The following FLNC variants were observed in gnomAD, a reference collection of about 807,000 sequenced individuals.
The protein encoded by FLNC is filamin-C.
In FLNC, 91 loss-of-function variants were observed where a neutral mutation model predicts 254.3. That is an observed-to-expected ratio of 0.36 (90% CI 0.30 to 0.43). FLNC has a LOEUF of 0.43. Ranked by LOEUF, FLNC falls within the 20% of genes least tolerant of loss-of-function variation. The pLI is 1.00. For synonymous variants in FLNC, 1,430 were observed against 1,577.2 expected (o/e 0.91, Z 2.21); for missense variants, 2,853 against 3,802.6 (o/e 0.75, Z 6.57).
Position 128,840,037 on chromosome 7 carries a change from G to A in FLNC, c.1426G>A (p.Ala476Thr), listed in dbSNP as rs746359389. 6 of 1,613,690 alleles carry A rather than the reference G, an allele frequency of 3.7e-6. No homozygotes were observed. The highest frequency in any genetic ancestry group is 1.1e-5 in the South Asian group (1 of 91,082). Residue 476 changes from alanine to threonine, a missense_variant, in exon 9 of 48, where the codon GCC becomes ACC. Ala to Thr is a moderately conservative substitution (Grantham distance 58). This residue lies in a region of FLNC where 1,573 missense variants were observed against 1,883.5 expected (regional missense o/e 0.84). Transcript: ENST00000325888. The stretch of plus-strand genomic sequence containing the variant: ...TCCTCCCCTAGCCTGTAACCCCAAC[G>A]CCTGCCGCGCCTCTGGGCGAGGCCT... ...VHVSEACNPNACRASGRGLQP... is the reference protein window; with the variant it reads ...VHVSEACNPNTCRASGRGLQP...
chr7:128,853,162 C>T (rs970521136), intron 37 of FLNC, 131 bp downstream of exon 37: 4 of 992,270 alleles, frequency 4.0e-6, no homozygotes, highest in East Asian at 2.6e-5. Context: ...CGTCAGGATT[C>T]GCATTCTGGG....
chr7:128,837,279 G>A, intron 3 of FLNC, 22 bp downstream of exon 3: 1 of 1,565,120 alleles, frequency 6.4e-7, no homozygotes. Context: ...GATGGGGCAG[G>A]GGGGAAAGGG....
chr7:128,858,768 C>T lies in FLNC; in HGVS notation c.*245C>T, dbSNP rs1361667826. Reference sequence around the variant, plus strand: ...ATGTGACATGAGGGCCGACTGGGGCCAGGCTCAGGGGCAGAGGCTGGGACA... The same window carrying T: ...ATGTGACATGAGGGCCGACTGGGGCTAGGCTCAGGGGCAGAGGCTGGGACA... On this transcript the variant is annotated 3_prime_UTR_variant, in exon 48 of 48. Coordinates refer to ENST00000325888, the MANE Select transcript of FLNC (RefSeq NM_001458.5). This position sits in a 1 kb window ranked among gnomAD's most constrained non-coding sequence, Gnocchi z 6.7. 3 of 561,464 alleles carry T rather than the reference C, an allele frequency of 5.3e-6. No homozygotes were observed. Among genetic ancestry groups the T allele is most frequent in the Non-Finnish European group, 9.6e-6 (3 of 311,500 alleles). The allele number at this position is 561,464 out of a possible 1,614,324, so 34.8% of individuals were successfully genotyped here.
At position 128,837,265 on chromosome 7, in the gene FLNC, C is replaced by T. The variant is rs1327027331; in HGVS notation, c.699+8C>T. On this transcript the variant is annotated splice_region_variant and intron_variant, in intron 3 of 47. Coordinates refer to ENST00000325888, the MANE Select transcript of FLNC (RefSeq NM_001458.5). ...TGGCTTGGGGTGCCCCAGGTACATG[C>T]GCAGATGGGGCAGGGGGGAAAGGGG... The T allele has an allele frequency of 5.8e-6, 9 of 1,558,482 alleles. No homozygotes were observed. The highest frequency in any genetic ancestry group is 3.7e-5 in the Admixed American group (2 of 53,588).
In FLNC at chr7:128,835,218, G is replaced by A; in HGVS notation, c.353-108G>A. Reference sequence around the variant, plus strand: ...AGGGTCAGGTAGGCAGAGACTAGAGGCCTGACCCCAGAGCTCTGGCCCGAG... The same window carrying A: ...AGGGTCAGGTAGGCAGAGACTAGAGACCTGACCCCAGAGCTCTGGCCCGAG... On this transcript the variant is annotated intron_variant, in intron 1 of 47. Coordinates refer to ENST00000325888, the MANE Select transcript of FLNC (RefSeq NM_001458.5). This position sits in a 1 kb window ranked among gnomAD's most constrained non-coding sequence, Gnocchi z 5.3. 6.8e-7 allele frequency: 1 copy of A among 1,471,562 alleles called. No individual in the cohort carries two copies. The highest frequency in any genetic ancestry group is 1.7e-5 in the Admixed American group (1 of 58,276). The allele number at this position is 1,471,562 out of a possible 1,614,324, so 91.2% of individuals were successfully genotyped here. A position where few individuals can be genotyped will look rare whatever the true frequency, so the allele number is the denominator to read the frequency against.
chr7:128,832,865 G>A (rs1189009597), intron 1 of FLNC, among the ~76,000 whole-genome samples: 1 of 152,214 alleles, frequency 6.6e-6, no homozygotes, highest in East Asian at 1.9e-4. Flanking sequence ...AGGTTCAAAG[G>A]GGCTGCCCAC....
rs760500171 is a variant in FLNC at position 128,844,940 on chromosome 7, C to G, written c.3475C>G (p.Arg1159Gly). 3.7e-6 allele frequency: 6 copies of G among 1,613,870 alleles called. No homozygotes were observed. The highest frequency in any genetic ancestry group is 4.2e-6 in the Non-Finnish European group (5 of 1,180,038). Residue 1159 changes from arginine to glycine, a missense_variant, in exon 21 of 48, where the codon CGG (arginine) becomes GGG (glycine). Arg to Gly is a moderately radical substitution (Grantham distance 125). Coordinates refer to ENST00000325888, the MANE Select transcript of FLNC (RefSeq NM_001458.5). ...GCCTGTGTTTGACCCGAGCAAGGTG[C>G]GGGCCAGTGGACCGGGCCTGGAGCG... ...IRPVFDPSKV[R>G]ASGPGLERGK...
chr7:128,832,543 G>A (rs985229248), intron 1 of FLNC, among the ~76,000 whole-genome samples: 1 of 152,220 alleles, frequency 6.6e-6, no homozygotes, highest in Non-Finnish European at 1.5e-5. Context: ...GGGGGCTCTC[G>A]GCCCCTCTCC....
At chr7:128,837,610 A>C in intron 4 of FLNC, 27 bp from the exon 5 acceptor site, 1 of 1,613,308 alleles carries the variant, frequency 6.2e-7, no homozygotes, top group East Asian at 2.2e-5. Context: ...CTCCCTGAGT[A>C]ACCTGGGCTC....
At chr7:128,845,471 A>G (rs1334716949) in intron 21 of FLNC, among the ~76,000 whole-genome samples, 1 of 152,130 alleles carries the variant, frequency 6.6e-6, no homozygotes, top group African/African-American at 2.4e-5. Context: ...TCTTGTGGCA[A>G]AACTGCACCT....
intron 37 of FLNC, 126 bp from the exon 38 acceptor site, chr7:128,853,342 AT>A: frequency 8.0e-7 from 1 of 1,250,398 alleles, no homozygotes; most frequent in Non-Finnish European, 1.1e-6. Context: ...CCACTGAGCC[AT>A]TTTTGTTAGT....
intron 16 of FLNC, 41 bp from the exon 17 acceptor site, chr7:128,843,188 G>A (rs777235361): frequency 6.5e-7 from 1 of 1,528,504 alleles, no homozygotes; most frequent in African/African-American, 1.4e-5. Context: ...GCAGGGGTGT[G>A]TTCCCCTCGA....
In FLNC at chr7:128,843,025, A is replaced by C. The variant is rs531062503; in HGVS notation, c.2550+71A>C. ...CCAGAAGGCAGCTGGAGATGCTGTC[A>C]CTGGGAACAGGGAGGGATGATTCCG... On this transcript the variant is annotated intron_variant, in intron 16 of 47. Transcript: ENST00000325888. 63 of 1,564,256 alleles carry C rather than the reference A, an allele frequency of 4.0e-5. No homozygotes were observed. The Admixed American group carries it at 1.1e-3, about 27-fold the overall frequency.
chr7:128,855,117 C>T (rs1159984821), intron 42 of FLNC, 82 bp from the exon 43 acceptor site: 1 of 1,143,206 alleles, frequency 8.7e-7, no homozygotes, highest in African/African-American at 1.5e-5. Context: ...CAGAGCCTTT[C>T]CTGGGATAAG....
At position 128,847,969 on chromosome 7, in the gene FLNC, G is replaced by A. The variant is rs1241325618; in HGVS notation, c.4481G>A (p.Arg1494Gln). 25 of 1,613,136 alleles carry A rather than the reference G, an allele frequency of 1.5e-5. No homozygotes were observed. The highest frequency in any genetic ancestry group is 1.9e-5 in the Non-Finnish European group (23 of 1,179,546). The change falls in exon 26 of 48, where the codon CGG (arginine) becomes CAG (glutamine). Residue 1494 changes from arginine (R) to glutamine (Q), a missense_variant. Transcript: ENST00000325888. ...PTGVAEPVEVRDNGDGTHTVH... is the reference protein window; with the variant it reads ...PTGVAEPVEVQDNGDGTHTVH... ...GGTGTGGCCGAGCCTGTGGAGGTGC[G>A]GGACAATGGAGATGGCACCCACACT...
intron 20 of FLNC, 53 bp from the exon 21 acceptor site, chr7:128,844,605 G>A: frequency 6.6e-7 from 1 of 1,521,872 alleles, no homozygotes; most frequent in Non-Finnish European, 9.0e-7. Context: ...GGCCATGAAG[G>A]CTGGGATGAG....
Position 128,837,642 on chromosome 7 carries a change from G to A in FLNC, c.856G>A (p.Glu286Lys), listed in dbSNP as rs1274480597. 8 of 1,612,504 alleles carry A rather than the reference G, an allele frequency of 5.0e-6. No individual in the cohort carries two copies. The highest frequency in any genetic ancestry group is 2.2e-5 in the South Asian group (2 of 91,090). ...KKAIAYGPGI[E>K]PQGNTVLQPA... is the part of the protein sequence containing the mutation. Reference sequence around the variant, plus strand: ...GCTCTGCTCCTGCCCCGTAGGCATCGAGCCACAGGGCAACACCGTGCTGCA... The same window carrying A: ...GCTCTGCTCCTGCCCCGTAGGCATCAAGCCACAGGGCAACACCGTGCTGCA... The change falls in exon 5 of 48, where the codon GAG becomes AAG. Residue 286 changes from glutamate (E) to lysine (K), a missense_variant. Around this residue, in one of 10 missense-constraint regions of FLNC, gnomAD observed 1,573 missense variants for 1,883.5 expected, o/e 0.84. Coordinates refer to ENST00000325888, the MANE Select transcript of FLNC (RefSeq NM_001458.5).
At position 128,849,420 on chromosome 7, in the gene FLNC, A is replaced by G. The variant is rs1304077776; in HGVS notation, c.5041A>G (p.Thr1681Ala). The change falls in exon 30 of 48, where the codon ACG becomes GCG. Residue 1681 changes from threonine (T) to alanine (A), a missense_variant. Thr to Ala is a moderately conservative substitution (Grantham distance 58). Around this residue, in one of 10 missense-constraint regions of FLNC, gnomAD observed 258 missense variants for 312.3 expected, o/e 0.83. Coordinates refer to ENST00000325888, the MANE Select transcript of FLNC (RefSeq NM_001458.5). ...KAAGEGKVTC[T>A]VSTPDGAELD... ...AGCCGGTGAGGGGAAGGTGACATGCACGGTGTCCACGCCGGATGGGGCAGA... is the reference window on the plus strand; with the variant it reads ...AGCCGGTGAGGGGAAGGTGACATGCGCGGTGTCCACGCCGGATGGGGCAGA... The G allele has an allele frequency of 1.2e-6, 2 of 1,614,192 alleles. No individual in the cohort carries two copies. Among genetic ancestry groups the G allele is most frequent in the Non-Finnish European group, 1.7e-6 (2 of 1,180,026 alleles).
Position 128,857,292 on chromosome 7 carries a change from G to C in FLNC, c.7736G>C (p.Gly2579Ala). 6.2e-7 allele frequency: 1 copy of C among 1,613,836 alleles called. No individual in the cohort carries two copies. Among genetic ancestry groups the C allele is most frequent in the Non-Finnish European group, 8.5e-7 (1 of 1,179,948 alleles). ...GNYLIAIKYGGPQHIVGSPFK... is the reference protein window; with the variant it reads ...GNYLIAIKYGAPQHIVGSPFK... Reference sequence around the variant, plus strand: ...TACCTCATTGCCATCAAGTACGGTGGCCCCCAGCACATCGTGGGCAGCCCC... The same window carrying C: ...TACCTCATTGCCATCAAGTACGGTGCCCCCCAGCACATCGTGGGCAGCCCC... The change falls in exon 46 of 48, where the codon GGC becomes GCC. Residue 2579 changes from glycine to alanine, a missense_variant. Transcript: ENST00000325888. This position sits in a 1 kb window ranked among gnomAD's most constrained non-coding sequence, Gnocchi z 4.5.
Sources: allele counts gnomAD v4.1 joint callset (sites outside exome capture counted in the v4.1 genomes callset), GRCh38; gene constraint gnomAD v4.1.1; regional missense constraint gnomAD v4.1.1; non-coding constraint Gnocchi (gnomAD v3.1); transcripts MANE v1.5; gene names NCBI Gene and HGNC (gene_info 2026-07-23, HGNC 2026-07-21).